RNF217: variants seen among roughly 807,000 people sequenced by gnomAD.
RNF217 encodes the protein E3 ubiquitin-protein ligase RNF217.
A neutral mutation model predicts 57.8 loss-of-function variants in RNF217; 31 were observed. The ratio of observed to expected loss-of-function variants is 0.54; its 90% CI spans 0.40 to 0.72. The LOEUF (loss-of-function observed/expected upper bound fraction) is 0.72. RNF217 is among the 30% of genes least tolerant of loss of function. The pLI is 0.00. For synonymous variants in RNF217, 313 were observed against 294.0 expected, an observed-to-expected ratio of 1.06 and a Z score of -0.66; for missense variants, 696 against 708.3, an observed-to-expected ratio of 0.98 and a Z score of 0.20.
chr6:125,071,366 A>G (rs1207583808), intron 3 of RNF217, among the ~76,000 whole-genome samples: 3 of 151,470 alleles, frequency 2.0e-5, no homozygotes, highest in Admixed American at 2.0e-4. Context: ...ACTGATACTC[A>G]CAGTGGACTG....
chr6:125,082,470 G>A (rs2114659278), intron 5 of RNF217: 1 of 1,611,706 alleles, frequency 6.2e-7, no homozygotes, highest in East Asian at 2.2e-5. Flanking sequence ...AAGACTTACT[G>A]GAACCTCATA....
At chr6:124,974,823 T>A (rs1466147028) in intron 1 of RNF217, among the ~76,000 whole-genome samples, 4 of 152,202 alleles carry the variant, frequency 2.6e-5, no homozygotes, top group Admixed American at 2.6e-4. Flanking sequence ...GTGTGGGTGA[T>A]GTTATCGTGT....
intron 1 of RNF217, among the ~76,000 whole-genome samples, chr6:125,023,045 AAAAC>A (rs1477311491): frequency 1.3e-5 from 2 of 152,166 alleles, no homozygotes; most frequent in Non-Finnish European, 2.9e-5. Context: ...GATAATAGGG[AAAAC>A]AAACAATTTT....
At chr6:124,980,218 A>C (rs1784113126) in intron 1 of RNF217, among the ~76,000 whole-genome samples, 1 of 152,208 alleles carries the variant, frequency 6.6e-6, no homozygotes, top group South Asian at 2.1e-4. Context: ...GATGTCCATA[A>C]TTATTTCACT....
intron 1 of RNF217, among the ~76,000 whole-genome samples, chr6:124,984,813 C>T (rs1784315496): frequency 2.0e-5 from 3 of 151,988 alleles, no homozygotes; most frequent in Admixed American, 6.6e-5. Flanking sequence ...AAGGAAATGA[C>T]TCAGCTTTAT....
At chr6:124,974,304 A>AT (rs1783875566) in intron 1 of RNF217, among the ~76,000 whole-genome samples, 1 of 152,204 alleles carries the variant, frequency 6.6e-6, no homozygotes. Flanking sequence ...CTGAATTTTA[A>AT]TTTTTTTAAA....
chr6:125,001,571 G>A (rs768791599), intron 1 of RNF217, among the ~76,000 whole-genome samples: 6 of 152,124 alleles, frequency 3.9e-5, no homozygotes, highest in African/African-American at 7.2e-5. Context: ...GCAGTATGGC[G>A]TTTTAGTGAT....
intron 1 of RNF217, among the ~76,000 whole-genome samples, chr6:125,023,972 G>A (rs996284462): frequency 1.3e-5 from 2 of 152,166 alleles, no homozygotes; most frequent in African/African-American, 4.8e-5. Flanking sequence ...CAAAATTTCT[G>A]TTAGGAGGAA....
chr6:125,013,351 A>ATGTGTGTGTGTG (rs61504994), intron 1 of RNF217, among the ~76,000 whole-genome samples: 191 of 141,280 alleles, frequency 1.4e-3, no homozygotes, highest in African/African-American at 5.1e-3. Flanking sequence ...TGTTTTGTGT[A>ATGTGTGTGTGTG]TGTGTGTGTG....
chr6:125,051,875 A>T (rs1787330917), intron 2 of RNF217, among the ~76,000 whole-genome samples: 4 of 152,038 alleles, frequency 2.6e-5, no homozygotes, highest in Non-Finnish European at 4.4e-5. Context: ...CAAATCAGGG[A>T]AGAATTTTCC....
chr6:124,992,017 A>G (rs2115045150), intron 1 of RNF217, among the ~76,000 whole-genome samples: 1 of 152,318 alleles, frequency 6.6e-6, no homozygotes, highest in East Asian at 1.9e-4. Flanking sequence ...TATGAAAATT[A>G]CAGAGTATTC....
intron 1 of RNF217, among the ~76,000 whole-genome samples, chr6:124,964,597 A>G (rs774166768): frequency 2.0e-5 from 3 of 152,220 alleles, no homozygotes; most frequent in African/African-American, 4.8e-5. Context: ...AAGTGTGTAC[A>G]GTCCCTAACT....
chr6:125,009,309 A>C (rs1239692716), intron 1 of RNF217: 7 of 1,486,144 alleles, frequency 4.7e-6, no homozygotes, highest in Non-Finnish European at 6.6e-6. Flanking sequence ...AAGAAGCCAC[A>C]TTTATTTGTG....
chr6:124,990,899 T>C (rs1784535733), intron 1 of RNF217, among the ~76,000 whole-genome samples: 1 of 152,082 alleles, frequency 6.6e-6, no homozygotes, highest in East Asian at 1.9e-4. Flanking sequence ...ACCCCATCTC[T>C]ACAAAAATAA....
intron 5 of RNF217, among the ~76,000 whole-genome samples, chr6:125,081,966 C>T (rs1169473342): frequency 6.6e-6 from 1 of 152,032 alleles, no homozygotes; most frequent in African/African-American, 2.4e-5. Context: ...CACTTGAGCA[C>T]TGACAAATAG....
chr6:125,010,960 T>C (rs1234264539), intron 1 of RNF217, among the ~76,000 whole-genome samples: 3 of 152,166 alleles, frequency 2.0e-5, no homozygotes, highest in African/African-American at 7.2e-5. Context: ...TGAATTCAGT[T>C]ATAACCTGAG....
chr6:124,962,628 TG>T lies in RNF217; in HGVS notation c.85del (p.Glu29SerfsTer167). ...TLASGTAGHP[E>X]PPRPQGDSAR... ...TGGCCAGTGGCACTGCGGGCCACCC[TG>T]AGCCCCCGAGGCCTCAGGGGGACAG... On this transcript the variant is annotated frameshift_variant, in exon 1 of 6. Transcript: ENST00000521654. LOFTEE classifies it high-confidence loss of function. The surrounding 1 kb of genome is among the most constrained non-coding windows in gnomAD (Gnocchi z 4.6). 7.6e-7 allele frequency: 1 copy of T among 1,321,760 alleles called. No homozygotes were observed. The highest frequency in any genetic ancestry group is 9.6e-7 in the Non-Finnish European group (1 of 1,046,554). The allele number at this position is 1,321,760 out of a possible 1,614,324, so 81.9% of individuals were successfully genotyped here.
At chr6:125,026,173 G>A (rs1786074441) in intron 1 of RNF217, among the ~76,000 whole-genome samples, 4 of 152,266 alleles carry the variant, frequency 2.6e-5, no homozygotes, top group African/African-American at 9.6e-5. Flanking sequence ...CTCAGTGGCC[G>A]CTAGCAACAT....
At chr6:124,984,031 T>A (rs998331807) in intron 1 of RNF217, among the ~76,000 whole-genome samples, 3 of 152,114 alleles carry the variant, frequency 2.0e-5, no homozygotes, top group African/African-American at 7.2e-5. Context: ...TTTATTAGGG[T>A]AGAGCCCTCC....
Sources: allele counts gnomAD v4.1 joint callset (sites outside exome capture counted in the v4.1 genomes callset), GRCh38; gene constraint gnomAD v4.1.1; non-coding constraint Gnocchi (gnomAD v3.1); transcripts MANE v1.5; gene names NCBI Gene and HGNC (gene_info 2026-07-23, HGNC 2026-07-21).